Variants in HECTD4 observed in about 807,000 individuals in gnomAD.
The protein encoded by HECTD4 is HECT domain E3 ubiquitin protein ligase 4, also known as probable E3 ubiquitin-protein ligase HECTD4.
In HECTD4, 114 loss-of-function variants were observed where a neutral mutation model predicts 471.5. The ratio of observed to expected loss-of-function variants is 0.24; its 90% CI spans 0.21 to 0.28. The LOEUF (loss-of-function observed/expected upper bound fraction) is 0.28. Among genes scored for constraint, HECTD4 ranks in the 10% least tolerant of loss-of-function variants. The pLI is 1.00. For synonymous variants in HECTD4, 2,012 were observed against 2,256.0 expected, an observed-to-expected ratio of 0.89 and a Z score of 3.07; for missense variants, 3,866 against 5,651.5, an observed-to-expected ratio of 0.68 and a Z score of 10.13.
At chr12:112,341,698 C>G (rs927723994) in intron 1 of HECTD4, among the ~76,000 whole-genome samples, 1 of 152,164 alleles carries the variant, frequency 6.6e-6, no homozygotes, top group Admixed American at 6.5e-5. Flanking sequence ...AACCGACTAG[C>G]TAAAATTAAA....
At chr12:112,168,031 G>A (rs531268912) in intron 70 of HECTD4, 114 bp from the exon 71 acceptor site, 24 of 845,152 alleles carry the variant, frequency 2.8e-5, no homozygotes, top group East Asian at 1.6e-4. Flanking sequence ...CCTACCTGCC[G>A]CTGTGGCGGG....
chr12:112,247,461 C>T lies in HECTD4; in HGVS notation c.4337+1G>A. ...CCTTAATAGTTATTAATACGACTAA[C>T]CTCAGTGATAGGACCATGTTTTCAA... On this transcript the variant is annotated splice_donor_variant, in intron 28 of 75. Transcript: ENST00000682272. LOFTEE classifies it high-confidence loss of function. The T allele has an allele frequency of 6.7e-7, 1 of 1,486,546 alleles. No homozygotes were observed. The highest frequency in any genetic ancestry group is 9.1e-7 in the Non-Finnish European group (1 of 1,095,036). The allele number at this position is 1,486,546 out of a possible 1,614,324, so 92.1% of individuals were successfully genotyped here.
At chr12:112,204,713 G>T in intron 52 of HECTD4, 90 bp from the exon 53 acceptor site, 1 of 1,019,110 alleles carries the variant, frequency 9.8e-7, no homozygotes, top group Non-Finnish European at 1.4e-6. Flanking sequence ...AAATGATAAG[G>T]GAATCTTTCA....
chr12:112,315,341 G>A (rs934915757), intron 2 of HECTD4, among the ~76,000 whole-genome samples: 2 of 152,180 alleles, frequency 1.3e-5, no homozygotes, highest in African/African-American at 4.8e-5. Flanking sequence ...ATGCCTAAAC[G>A]CCAATAGAAA....
At chr12:112,376,439 G>A (rs1220624044) in intron 1 of HECTD4, among the ~76,000 whole-genome samples, 1 of 152,036 alleles carries the variant, frequency 6.6e-6, no homozygotes, top group Non-Finnish European at 1.5e-5. Context: ...GTAGAGACGG[G>A]GTTTCACCGT....
intron 1 of HECTD4, among the ~76,000 whole-genome samples, chr12:112,375,484 A>C (rs2036759236): frequency 6.6e-6 from 1 of 152,176 alleles, no homozygotes. Flanking sequence ...TGGAGTAAGA[A>C]ATATCTTAGC....
intron 44 of HECTD4, 86 bp from the exon 45 acceptor site, chr12:112,219,575 A>C: frequency 1.1e-6 from 1 of 897,760 alleles, no homozygotes; most frequent in Non-Finnish European, 1.8e-6. Context: ...CATCAAAACA[A>C]TAAAATGCAC....
chr12:112,247,132 A>G, intron 28 of HECTD4, 56 bp from the exon 29 acceptor site: 1 of 1,343,504 alleles, frequency 7.4e-7, no homozygotes, highest in African/African-American at 1.5e-5. Flanking sequence ...AAAAACAACT[A>G]TTAAAAAAAA....
intron 6 of HECTD4, among the ~76,000 whole-genome samples, chr12:112,308,366 G>C (rs923710532): frequency 1.3e-5 from 2 of 149,906 alleles, no homozygotes; most frequent in Admixed American, 6.7e-5. Flanking sequence ...CTTTCCCACA[G>C]AGAGGCTGTT....
chr12:112,319,165 C>T lies in HECTD4; in HGVS notation c.695+60G>A. 2 of 1,495,686 alleles carry T rather than the reference C, an allele frequency of 1.3e-6. No individual in the cohort carries two copies. Among genetic ancestry groups the T allele is most frequent in the South Asian group, 2.5e-5 (2 of 80,412 alleles). 92.7% of individuals were successfully genotyped at this position (1,495,686 alleles called of 1,614,324 possible). A position where few individuals can be genotyped will look rare whatever the true frequency, so the allele number is the denominator to read the frequency against. ...AAATATACTTGGCCTCTTCTTCATT[C>T]ACCCAACCCAGGTGGCAGTAGTCAC... On this transcript the variant is annotated intron_variant, in intron 2 of 75. Transcript: ENST00000682272. This position sits in a 1 kb window ranked among gnomAD's most constrained non-coding sequence, Gnocchi z 5.3.
intron 15 of HECTD4, among the ~76,000 whole-genome samples, chr12:112,265,584 G>C (rs1199505833): frequency 6.6e-6 from 1 of 152,108 alleles, no homozygotes; most frequent in Non-Finnish European, 1.5e-5. Flanking sequence ...TCATAAACCA[G>C]CAATTTGGAT....
At chr12:112,185,949 C>T (rs1458237289) in intron 60 of HECTD4, among the ~76,000 whole-genome samples, 2 of 152,164 alleles carry the variant, frequency 1.3e-5, no homozygotes, top group Non-Finnish European at 2.9e-5. Context: ...CTGATTTTTG[C>T]CAACAAGAAA....
At chr12:112,315,070 T>A (rs768716205) in intron 2 of HECTD4, among the ~76,000 whole-genome samples, 1 of 152,226 alleles carries the variant, frequency 6.6e-6, no homozygotes, top group South Asian at 2.1e-4. Context: ...TGACTGCACA[T>A]AGTTGTAATA....
intron 7 of HECTD4, among the ~76,000 whole-genome samples, chr12:112,288,930 T>C (rs1370356581): frequency 6.6e-6 from 1 of 152,234 alleles, no homozygotes; most frequent in African/African-American, 2.4e-5. Context: ...AGCTTGGGGA[T>C]TGTTCACTGA....
chr12:112,300,305 C>A (rs1351778398), intron 7 of HECTD4, among the ~76,000 whole-genome samples: 1 of 134,586 alleles, frequency 7.4e-6, no homozygotes, highest in East Asian at 3.5e-4. Flanking sequence ...AAGATTCCAT[C>A]TCAAAAAAAA....
rs148770580 is a variant in HECTD4, at chr12:112,226,388, G to T, written c.6970+255C>A. The stretch of plus-strand genomic sequence containing the variant: ...GTAAATAAAGGCAACAAATCAATAG[G>T]AATGAAGAAAAGAAAACACTCTGAC... On this transcript the variant is annotated intron_variant, in intron 44 of 75. Transcript: ENST00000682272. 8.8e-4 allele frequency: 294 copies of T among 332,910 alleles called. 1 individual carries two copies. The East Asian group carries it at 9.5e-3, about 11-fold the overall frequency. The allele number at this position is 332,910 out of a possible 1,614,324, so 20.6% of individuals were successfully genotyped here. A position where few individuals can be genotyped will look rare whatever the true frequency, so the allele number is the denominator to read the frequency against.
At chr12:112,263,842 G>A (rs942422842) in intron 17 of HECTD4, among the ~76,000 whole-genome samples, 2 of 151,806 alleles carry the variant, frequency 1.3e-5, no homozygotes, top group Non-Finnish European at 2.9e-5. Flanking sequence ...AAAGAAGATG[G>A]AAGTAAACAA....
intron 44 of HECTD4, among the ~76,000 whole-genome samples, chr12:112,223,386 G>A (rs979857864): frequency 1.3e-5 from 2 of 151,980 alleles, no homozygotes; most frequent in African/African-American, 4.8e-5. Flanking sequence ...TTCAACCAAG[G>A]GATCCAGTTA....
At chr12:112,324,037 CCTT>C (rs1774997184) in intron 1 of HECTD4, among the ~76,000 whole-genome samples, 1 of 20,106 alleles carries the variant, frequency 5.0e-5, no homozygotes, top group Non-Finnish European at 8.2e-5. Context: ...TTCCTTCCTT[CCTT>C]CCTTCCTTTC....
Sources: allele counts gnomAD v4.1 joint callset (sites outside exome capture counted in the v4.1 genomes callset), GRCh38; gene constraint gnomAD v4.1.1; non-coding constraint Gnocchi (gnomAD v3.1); transcripts MANE v1.5; gene names NCBI Gene and HGNC (gene_info 2026-07-23, HGNC 2026-07-21).